SORT1: variants seen among roughly 807,000 people sequenced by gnomAD.
SORT1 encodes sortilin 1, also known as sortilin.
In SORT1, 39 loss-of-function variants were observed where a neutral mutation model predicts 101.7. The ratio of observed to expected loss-of-function variants is 0.38; its 90% CI spans 0.30 to 0.50. The LOEUF is 0.50. Among genes scored for constraint, SORT1 ranks in the 20% least tolerant of loss-of-function variants. SORT1 has a pLI of 0.90. For synonymous variants in SORT1, 396 were observed against 393.7 expected (o/e 1.01, Z -0.07); for missense variants, 878 against 1,040.4 (o/e 0.84, Z 2.15).
intron 1 of SORT1, among the ~76,000 whole-genome samples, chr1:109,390,795 GT>G (rs1235956105): frequency 1.1e-4 from 16 of 142,460 alleles, no homozygotes; most frequent in Middle Eastern, 3.5e-3. Flanking sequence ...GTGTGTGTGT[GT>G]GTGCGCGCGC....
chr1:109,312,306 T>C lies in SORT1; in HGVS notation c.*1737A>G, dbSNP rs953069482. On this transcript the variant is annotated 3_prime_UTR_variant, in exon 20 of 20. Transcript: ENST00000256637. ...CAAAAAGACTAGTGCACTCCAGCCC[T>C]AACCATATTATCTTCACAAAAACTG... 3 of 152,598 alleles carry C rather than the reference T, an allele frequency of 2.0e-5. No individual in the cohort carries two copies. The highest frequency in any genetic ancestry group is 4.4e-5 in the Non-Finnish European group (3 of 68,038). The allele number at this position is 152,598 out of a possible 1,614,324, so 9.5% of individuals were successfully genotyped here.
intron 5 of SORT1, among the ~76,000 whole-genome samples, chr1:109,351,626 A>G (rs997083529): frequency 1.1e-4 from 17 of 152,236 alleles, no homozygotes; most frequent in African/African-American, 3.9e-4. Context: ...GCTAGGCAGA[A>G]AGGTGAGGCC....
At chr1:109,382,130 C>T (rs944335432) in intron 1 of SORT1, among the ~76,000 whole-genome samples, 4 of 151,802 alleles carry the variant, frequency 2.6e-5, no homozygotes, top group African/African-American at 9.7e-5. Context: ...TAGACCATAT[C>T]AGTTTATCTA....
intron 8 of SORT1, among the ~76,000 whole-genome samples, chr1:109,343,219 T>C (rs1570926459): frequency 1.3e-5 from 2 of 152,310 alleles, no homozygotes; most frequent in South Asian, 2.1e-4. Flanking sequence ...TATTACAAAA[T>C]GGCTTTGGAG....
At chr1:109,353,464 G>A (rs531913498) in intron 5 of SORT1, among the ~76,000 whole-genome samples, 2 of 151,516 alleles carry the variant, frequency 1.3e-5, no homozygotes, top group Admixed American at 6.6e-5. Flanking sequence ...AGTGCCCTTC[G>A]TCCTCCTATG....
At position 109,346,173 on chromosome 1, in the gene SORT1, C is replaced by T. The variant is rs540877757; in HGVS notation, c.833-292G>A. Among the ~76,000 whole-genome samples, 6 of 151,642 alleles carry T rather than the reference C, an allele frequency of 4.0e-5. No homozygotes were observed. In the South Asian group the frequency reaches 6.3e-4, roughly 16 times the overall value. Reference sequence around the variant, plus strand: ...AAAAATACAAAAAAATTTAGCCAGGCGTGGTGGTGGGCGCCTGTAGTCCCA... The same window carrying T: ...AAAAATACAAAAAAATTTAGCCAGGTGTGGTGGTGGGCGCCTGTAGTCCCA... On this transcript the variant is annotated intron_variant, in intron 7 of 19. Transcript: ENST00000256637.
At position 109,323,571 on chromosome 1, in the gene SORT1, T is replaced by C. The variant is rs114130437; in HGVS notation, c.1835-450A>G. Among the ~76,000 whole-genome samples the C allele has an allele frequency of 1.9e-3, 294 of 152,364 alleles. 1 individual carries two copies. The highest frequency in any genetic ancestry group is 6.1e-3 in the African/African-American group (253 of 41,594). On this transcript the variant is annotated intron_variant, in intron 14 of 19. Transcript: ENST00000256637. The stretch of plus-strand genomic sequence containing the variant: ...CAAGAGCACAGGTTCAATTTCACCA[T>C]GTGTTCATTGGCTTAAGGAAGAAGG...
At chr1:109,333,159 C>A (rs537773831) in intron 11 of SORT1, among the ~76,000 whole-genome samples, 134 of 152,252 alleles carry the variant, frequency 8.8e-4, no homozygotes, top group African/African-American at 3.1e-3. Context: ...ATCTCCTGAC[C>A]TCGTGATCCA....
intron 1 of SORT1, among the ~76,000 whole-genome samples, chr1:109,375,315 C>T (rs1053984129): frequency 9.2e-5 from 14 of 152,076 alleles, no homozygotes; most frequent in African/African-American, 3.1e-4. Context: ...GTAATCCCAG[C>T]ACTTTGGGAG....
At chr1:109,393,012 C>A (rs1265690988) in intron 1 of SORT1, 12 of 985,420 alleles carry the variant, frequency 1.2e-5, no homozygotes, top group Non-Finnish European at 1.4e-5. Context: ...AGTTCCGGGG[C>A]ATTAAAGGAC....
intron 3 of SORT1, among the ~76,000 whole-genome samples, chr1:109,356,030 C>A (rs1650297626): frequency 6.6e-6 from 1 of 152,090 alleles, no homozygotes. Context: ...TGTCACCACG[C>A]CTGGCTAATT....
intron 1 of SORT1, among the ~76,000 whole-genome samples, chr1:109,381,238 T>C (rs1212101545): frequency 3.9e-5 from 6 of 152,200 alleles, no homozygotes; most frequent in Admixed American, 2.0e-4. Flanking sequence ...CTAACAACTA[T>C]TGAACATTCC....
chr1:109,382,157 A>G (rs1453879425), intron 1 of SORT1, among the ~76,000 whole-genome samples: 1 of 151,986 alleles, frequency 6.6e-6, no homozygotes, highest in Non-Finnish European at 1.5e-5. Context: ...CTTTTTTGGG[A>G]CAAAGTCTCA....
intron 3 of SORT1, 56 bp downstream of exon 3, chr1:109,367,352 A>ATCTATATT (rs1651162430): frequency 1.0e-6 from 1 of 996,252 alleles, no homozygotes; most frequent in Middle Eastern, 2.1e-4. Flanking sequence ...AAAAGGGAGA[A>ATCTATATT]TCTATATTCT....
chr1:109,375,950 C>A (rs906584844), intron 1 of SORT1, among the ~76,000 whole-genome samples: 5 of 152,084 alleles, frequency 3.3e-5, no homozygotes, highest in Non-Finnish European at 5.9e-5. Context: ...CACACACACA[C>A]AAAAACAGAT....
At chr1:109,373,808 G>GT (rs1485143413) in intron 1 of SORT1, among the ~76,000 whole-genome samples, 1 of 152,222 alleles carries the variant, frequency 6.6e-6, no homozygotes, top group Non-Finnish European at 1.5e-5. Flanking sequence ...AGGTGGGTAG[G>GT]TGCAGTAGCT....
At chr1:109,327,440 G>A in intron 12 of SORT1, 59 bp downstream of exon 12, 1 of 1,061,512 alleles carries the variant, frequency 9.4e-7, no homozygotes, top group South Asian at 1.5e-5. Context: ...CCTGTTGGCT[G>A]AGTTTCAGTG....
In SORT1 at chr1:109,311,253, T is replaced by A. The variant is rs940276516; in HGVS notation, c.*2790A>T. 15 of 152,208 alleles carry A rather than the reference T, an allele frequency of 9.9e-5. No homozygotes were observed. The highest frequency in any genetic ancestry group is 3.6e-4 in the African/African-American group (15 of 41,446). The allele number at this position is 152,208 out of a possible 1,614,324, so 9.4% of individuals were successfully genotyped here. A position where few individuals can be genotyped will look rare whatever the true frequency, so the allele number is the denominator to read the frequency against. Reference sequence around the variant, plus strand: ...GACCACTTTGGACTGGTTTGTCCAATCTCTCTTATAATGCTAAATTCCATT... The same window carrying A: ...GACCACTTTGGACTGGTTTGTCCAAACTCTCTTATAATGCTAAATTCCATT... On this transcript the variant is annotated 3_prime_UTR_variant, in exon 20 of 20. Transcript: ENST00000256637.
rs775068926 is a variant in SORT1, at chr1:109,316,968, AAAG to A, written c.2142-13_2142-11del. ...TGGAATTTTCCGGTACCTACCAGGC[AAAG>A]AAGATTTGGTAACAGAAGATAAGGA... is the stretch of plus-strand genomic sequence containing the variant. On this transcript the variant is annotated splice_polypyrimidine_tract_variant and intron_variant, in intron 16 of 19. Coordinates refer to ENST00000256637, the MANE Select transcript of SORT1 (RefSeq NM_002959.7). 11 of 1,547,472 alleles carry A rather than the reference AAAG, an allele frequency of 7.1e-6. No homozygotes were observed. In the Admixed American group the frequency reaches 7.1e-5, roughly 10 times the overall value.
Sources: allele counts gnomAD v4.1 joint callset (sites outside exome capture counted in the v4.1 genomes callset), GRCh38; gene constraint gnomAD v4.1.1; transcripts MANE v1.5; gene names NCBI Gene and HGNC (gene_info 2026-07-23, HGNC 2026-07-21).